SGMS1: variants seen among roughly 807,000 people sequenced by gnomAD.
SGMS1 encodes sphingomyelin synthase 1, also known as phosphatidylcholine:ceramide cholinephosphotransferase 1.
A neutral mutation model predicts 46.2 loss-of-function variants in SGMS1; 13 were observed. That is an observed-to-expected ratio of 0.28 (90% confidence interval 0.18 to 0.45). The LOEUF is 0.45. Among genes scored for constraint, SGMS1 ranks in the 20% least tolerant of loss-of-function variants. The probability of loss-of-function intolerance (pLI) is 1.00; values close to 1 mark genes in which losing one functional copy is unlikely to be tolerated. For missense variants in SGMS1, 324 were observed against 519.9 expected, an observed-to-expected ratio of 0.62 and a Z score of 3.66; for synonymous variants, 203 against 187.8, an observed-to-expected ratio of 1.08 and a Z score of -0.66.
chr10:50,376,581 G>T (rs893015903), intron 6 of SGMS1, among the ~76,000 whole-genome samples: 1 of 152,046 alleles, frequency 6.6e-6, no homozygotes, highest in African/African-American at 2.4e-5. Flanking sequence ...ATCCCTCCCT[G>T]CTCCCCCAAC....
chr10:50,472,093 A>G (rs567344350), intron 3 of SGMS1, among the ~76,000 whole-genome samples: 35 of 151,958 alleles, frequency 2.3e-4, no homozygotes, highest in Non-Finnish European at 4.6e-4. Context: ...TTTTCTTTTT[A>G]TTTGACAGAT....
intron 7 of SGMS1, among the ~76,000 whole-genome samples, chr10:50,340,092 G>T (rs558625611): frequency 6.6e-6 from 1 of 152,332 alleles, no homozygotes; most frequent in South Asian, 2.1e-4. Flanking sequence ...GGAAGAAAAA[G>T]TTGGAAGAAA....
chr10:50,369,334 C>CA (rs921887802), intron 6 of SGMS1, among the ~76,000 whole-genome samples: 3 of 152,018 alleles, frequency 2.0e-5, no homozygotes, highest in African/African-American at 4.8e-5. Context: ...CCTGTCTCTA[C>CA]AAAAAATTTA....
chr10:50,357,840 C>G (rs553464956), intron 6 of SGMS1, among the ~76,000 whole-genome samples: 4 of 152,204 alleles, frequency 2.6e-5, no homozygotes, highest in African/African-American at 7.2e-5. Flanking sequence ...AACAAGCTGG[C>G]GTATCAGTGA....
chr10:50,592,727 C>T (rs1024805787), intron 1 of SGMS1, among the ~76,000 whole-genome samples: 1 of 152,202 alleles, frequency 6.6e-6, no homozygotes, highest in East Asian at 1.9e-4. Flanking sequence ...AGCTACATCA[C>T]TGACATTTCT....
intron 3 of SGMS1, among the ~76,000 whole-genome samples, chr10:50,477,972 G>A (rs1837443224): frequency 6.6e-6 from 1 of 152,186 alleles, no homozygotes; most frequent in South Asian, 2.1e-4. Flanking sequence ...CTAATACATA[G>A]ATCATGCAAA....
chr10:50,463,068 T>A (rs1172848468), intron 4 of SGMS1, among the ~76,000 whole-genome samples: 1 of 151,504 alleles, frequency 6.6e-6, no homozygotes, highest in Non-Finnish European at 1.5e-5. Flanking sequence ...ACTATAAAAT[T>A]CCTAGCAAAA....
chr10:50,310,010 A>G (rs1483411384), intron 9 of SGMS1, among the ~76,000 whole-genome samples: 1 of 152,114 alleles, frequency 6.6e-6, no homozygotes, highest in East Asian at 1.9e-4. Context: ...CTGCTGCAAG[A>G]GTGATTTTTC....
chr10:50,337,288 T>A (rs1847731426), intron 7 of SGMS1, among the ~76,000 whole-genome samples: 1 of 152,116 alleles, frequency 6.6e-6, no homozygotes, highest in Non-Finnish European at 1.5e-5. Context: ...CCCCAATAAT[T>A]TTTGGTAAAT....
At chr10:50,483,491 A>C (rs980970790) in intron 3 of SGMS1, among the ~76,000 whole-genome samples, 9 of 152,174 alleles carry the variant, frequency 5.9e-5, no homozygotes, top group African/African-American at 2.2e-4. Context: ...ACTGAGAGAG[A>C]AAATTAACAA....
chr10:50,351,659 AT>A (rs1453184512), intron 6 of SGMS1, among the ~76,000 whole-genome samples: 1 of 151,606 alleles, frequency 6.6e-6, no homozygotes, highest in Non-Finnish European at 1.5e-5. Flanking sequence ...CTTGCTCCTC[AT>A]TTTTCTCTTG....
intron 6 of SGMS1, among the ~76,000 whole-genome samples, chr10:50,383,552 C>T (rs1353088797): frequency 6.6e-6 from 1 of 151,958 alleles, no homozygotes; most frequent in African/African-American, 2.4e-5. Context: ...TAAACATGAC[C>T]TTTATAATCT....
rs1554943919 is a variant in SGMS1, at chr10:50,487,985, T to TTTTATTTTA, written c.-497-21054_-497-21053insTAAAATAAA. On this transcript the variant is annotated intron_variant, in intron 3 of 10. Transcript: ENST00000361781. ...TTTCCTGATTTTTATTTTGTTTTTA[T>TTTTATTTTA]TTTATTTATTTATTTATTTATTTAT... 2.2e-3 allele frequency among the ~76,000 whole-genome samples: 300 copies of TTTTATTTTA among 139,020 alleles called. 2 individuals carry two copies. Among genetic ancestry groups the TTTTATTTTA allele is most frequent in the Middle Eastern group, 0.015 (4 of 270 alleles). 91.2% of individuals were successfully genotyped at this position (139,020 alleles called of 152,430 possible).
chr10:50,592,953 G>A (rs1268756392), intron 1 of SGMS1, among the ~76,000 whole-genome samples: 2 of 152,304 alleles, frequency 1.3e-5, no homozygotes, highest in East Asian at 3.9e-4. Flanking sequence ...GTATTCATGC[G>A]CTTGTATAGT....
chr10:50,425,109 A>T (rs1316840685), intron 6 of SGMS1, among the ~76,000 whole-genome samples: 1 of 152,224 alleles, frequency 6.6e-6, no homozygotes, highest in Non-Finnish European at 1.5e-5. Context: ...AATGTTGGCA[A>T]GGTTGCAGAG....
intron 2 of SGMS1, among the ~76,000 whole-genome samples, chr10:50,548,155 A>G (rs114141352): frequency 0.012 from 1,757 of 152,288 alleles, 31 homozygotes; most frequent in African/African-American, 0.041. Context: ...TCACACTGCT[A>G]TAAGGATATA....
At chr10:50,536,073 C>T (rs1837998725) in intron 2 of SGMS1, among the ~76,000 whole-genome samples, 1 of 152,158 alleles carries the variant, frequency 6.6e-6, no homozygotes, top group Non-Finnish European at 1.5e-5. Flanking sequence ...AGTGCTCATG[C>T]CTGTAATCCT....
At chr10:50,364,423 C>G (rs767249684) in intron 6 of SGMS1, among the ~76,000 whole-genome samples, 1 of 152,164 alleles carries the variant, frequency 6.6e-6, no homozygotes, top group Non-Finnish European at 1.5e-5. Context: ...AATGCTCCAG[C>G]CCCATCCTGC....
At chr10:50,320,093 T>C (rs1305608506) in intron 8 of SGMS1, among the ~76,000 whole-genome samples, 1 of 152,212 alleles carries the variant, frequency 6.6e-6, no homozygotes, top group African/African-American at 2.4e-5. Context: ...CCCCAGTGAA[T>C]GCTTTCTGAC....
Sources: gnomAD v4.1 joint callset for allele counts (sites outside exome capture counted in the v4.1 genomes callset) on GRCh38, gnomAD v4.1.1 for gene constraint, MANE v1.5 for transcripts, NCBI Gene and HGNC (gene_info 2026-07-23, HGNC 2026-07-21) for gene names.